C8orf34: variants seen among roughly 807,000 people sequenced by gnomAD.
C8orf34 encodes uncharacterized protein C8orf34.
Under a neutral mutation model 68.3 loss-of-function variants are expected in C8orf34, and 65 were observed. The ratio of observed to expected loss-of-function variants is 0.95; its 90% CI spans 0.78 to 1.17. The LOEUF (loss-of-function observed/expected upper bound fraction) is 1.17. Ranked by LOEUF, C8orf34 falls within the 50% of genes most tolerant of loss-of-function variation. The pLI, the probability that C8orf34 is intolerant of heterozygous loss-of-function variation, is 0.00. For missense variants in C8orf34, 664 were observed against 655.4 expected (o/e 1.01, Z -0.14); for synonymous variants, 244 against 241.2 (o/e 1.01, Z -0.11).
chr8:68,810,764 G>A lies in C8orf34; in HGVS notation c.1550-5122G>A, dbSNP rs541624542. ...TCATCCTGACATCTGCTCAGCTCTCGCCTGAGAGGAGACCCACAGTGGGTA... is the reference window on the plus strand; with the variant it reads ...TCATCCTGACATCTGCTCAGCTCTCACCTGAGAGGAGACCCACAGTGGGTA... On this transcript the variant is annotated intron_variant, in intron 12 of 13. Transcript: ENST00000518698. 5.3e-5 allele frequency among the ~76,000 whole-genome samples: 8 copies of A among 152,214 alleles called. No homozygotes were observed. In the South Asian group the frequency reaches 8.3e-4, roughly 16 times the overall value.
chr8:68,509,140 T>A (rs1387157725), intron 5 of C8orf34, among the ~76,000 whole-genome samples: 5 of 152,102 alleles, frequency 3.3e-5, no homozygotes, highest in African/African-American at 1.2e-4. Context: ...TAAAGACCAA[T>A]CTTAACTGCT....
At chr8:68,809,868 G>A (rs1410263328) in intron 12 of C8orf34, among the ~76,000 whole-genome samples, 1 of 152,170 alleles carries the variant, frequency 6.6e-6, no homozygotes, top group African/African-American at 2.4e-5. Context: ...AACTACTTGT[G>A]TAGGCATAAT....
intron 1 of C8orf34, among the ~76,000 whole-genome samples, chr8:68,359,239 G>C (rs1251130032): frequency 6.6e-6 from 1 of 152,108 alleles, no homozygotes; most frequent in African/African-American, 2.4e-5. Context: ...TACTATGTTA[G>C]CAAGCTATTT....
chr8:68,548,703 T>A (rs1215151009), intron 7 of C8orf34, among the ~76,000 whole-genome samples: 2 of 151,810 alleles, frequency 1.3e-5, no homozygotes, highest in African/African-American at 4.8e-5. Flanking sequence ...ATAAAATATA[T>A]GTTCACAAAA....
intron 8 of C8orf34, among the ~76,000 whole-genome samples, chr8:68,682,976 CATT>C (rs1236771398): frequency 1.3e-5 from 2 of 152,062 alleles, no homozygotes; most frequent in East Asian, 3.9e-4. Context: ...CTCACAGACT[CATT>C]GTTGCCAAGT....
At chr8:68,537,459 A>C (rs979780800) in intron 7 of C8orf34, among the ~76,000 whole-genome samples, 1 of 146,476 alleles carries the variant, frequency 6.8e-6, no homozygotes, top group East Asian at 2.0e-4. Context: ...CTTTCTTTTT[A>C]TTTTCTTTTT....
chr8:68,629,476 GT>G (rs1261865069), intron 7 of C8orf34, among the ~76,000 whole-genome samples: 1 of 152,046 alleles, frequency 6.6e-6, no homozygotes, highest in Admixed American at 6.6e-5. Context: ...CCCTTTTCCA[GT>G]TTTTAAAGTT....
At chr8:68,354,361 A>C (rs916102232) in intron 1 of C8orf34, among the ~76,000 whole-genome samples, 5 of 151,948 alleles carry the variant, frequency 3.3e-5, no homozygotes, top group African/African-American at 9.7e-5. Context: ...TTGTTTTTAG[A>C]GACAGGATCT....
intron 8 of C8orf34, among the ~76,000 whole-genome samples, chr8:68,696,912 T>C (rs536964349): frequency 1.3e-5 from 2 of 152,066 alleles, no homozygotes; most frequent in Non-Finnish European, 2.9e-5. Context: ...CTAATTTTGA[T>C]TTTCCTAGTA....
intron 5 of C8orf34, among the ~76,000 whole-genome samples, chr8:68,503,708 A>G (rs1563491236): frequency 6.7e-6 from 1 of 149,842 alleles, no homozygotes; most frequent in Non-Finnish European, 1.5e-5. Flanking sequence ...TTTTCCAAAT[A>G]AGAAAACTGA....
chr8:68,758,219 A>C (rs1307529590), intron 10 of C8orf34, among the ~76,000 whole-genome samples: 1 of 152,248 alleles, frequency 6.6e-6, no homozygotes, highest in Non-Finnish European at 1.5e-5. Flanking sequence ...GCAGCAAAGA[A>C]GGCAAAACAA....
At chr8:68,356,083 G>A (rs1806735316) in intron 1 of C8orf34, among the ~76,000 whole-genome samples, 1 of 152,082 alleles carries the variant, frequency 6.6e-6, no homozygotes, top group Admixed American at 6.6e-5. Context: ...TTCATGACCA[G>A]AAAATGTCTG....
intron 1 of C8orf34, among the ~76,000 whole-genome samples, chr8:68,421,463 A>G (rs991844825): frequency 6.6e-6 from 1 of 152,228 alleles, no homozygotes; most frequent in Non-Finnish European, 1.5e-5. Context: ...GAAACCCTAG[A>G]AAAAACCTAG....
chr8:68,486,013 T>C (rs1813064333), intron 4 of C8orf34, among the ~76,000 whole-genome samples: 2 of 152,126 alleles, frequency 1.3e-5, no homozygotes, highest in African/African-American at 4.8e-5. Context: ...AAAAGACATG[T>C]TTGGATTTTT....
chr8:68,784,837 C>CT (rs1382396654), intron 11 of C8orf34, among the ~76,000 whole-genome samples: 2 of 126,044 alleles, frequency 1.6e-5, no homozygotes, highest in Admixed American at 7.6e-5. Flanking sequence ...TTTTCGAGTA[C>CT]TTTCTTGCTT....
chr8:68,650,164 G>C (rs1819302990), intron 8 of C8orf34, among the ~76,000 whole-genome samples: 2 of 152,068 alleles, frequency 1.3e-5, no homozygotes, highest in Admixed American at 1.3e-4. Flanking sequence ...ATAAATAGAA[G>C]TACTTTTGAA....
At chr8:68,693,186 A>G (rs1316221036) in intron 8 of C8orf34, among the ~76,000 whole-genome samples, 2 of 152,060 alleles carry the variant, frequency 1.3e-5, no homozygotes, top group Non-Finnish European at 2.9e-5. Context: ...TGCTGTTTTG[A>G]AGACGCATCA....
intron 1 of C8orf34, among the ~76,000 whole-genome samples, chr8:68,387,053 G>A (rs1452731621): frequency 6.6e-6 from 1 of 151,918 alleles, no homozygotes; most frequent in African/African-American, 2.4e-5. Flanking sequence ...ATACAAAGAT[G>A]GGCATGATGG....
At chr8:68,669,126 C>A (rs1431925440) in intron 8 of C8orf34, among the ~76,000 whole-genome samples, 1 of 152,134 alleles carries the variant, frequency 6.6e-6, no homozygotes, top group Non-Finnish European at 1.5e-5. Context: ...GAATAACTCA[C>A]CTTAAATATC....
Sources: gnomAD v4.1 joint callset for allele counts (sites outside exome capture counted in the v4.1 genomes callset) on GRCh38, gnomAD v4.1.1 for gene constraint, MANE v1.5 for transcripts, NCBI Gene and HGNC (gene_info 2026-07-23, HGNC 2026-07-21) for gene names.